The following RGS7 variants were observed in gnomAD, a reference collection of about 807,000 sequenced individuals.
The protein encoded by RGS7 is regulator of G protein signaling 7.
Under a neutral mutation model 81.1 loss-of-function variants are expected in RGS7, and 27 were observed. That is an observed-to-expected ratio of 0.33 (90% CI 0.25 to 0.46). The LOEUF is 0.46. RGS7 is among the 20% of genes least tolerant of loss of function. The pLI is 1.00. For missense variants in RGS7, 396 were observed against 607.4 expected (o/e 0.65, Z 3.66); for synonymous variants, 208 against 207.7 (o/e 1.00, Z -0.01).
intron 3 of RGS7, among the ~76,000 whole-genome samples, chr1:240,993,891 C>T (rs565112906): frequency 5.3e-5 from 8 of 151,958 alleles, no homozygotes; most frequent in African/African-American, 9.6e-5. Flanking sequence ...CCTTTTTGCC[C>T]GTGAATGTCC....
chr1:240,800,552 A>AACAC (rs143139365), intron 18 of RGS7, 89 bp downstream of exon 18: 1 of 656,548 alleles, frequency 1.5e-6, no homozygotes, highest in Non-Finnish European at 2.4e-6. Flanking sequence ...CAAAAGCCAC[A>AACAC]ACACACACAC....
chr1:240,863,347 C>T (rs973627593), intron 9 of RGS7, among the ~76,000 whole-genome samples: 4 of 151,914 alleles, frequency 2.6e-5, no homozygotes, highest in African/African-American at 7.3e-5. Context: ...TGGTGGCATG[C>T]GCCTGTAATT....
At chr1:241,047,598 A>G (rs2061001833) in intron 3 of RGS7, among the ~76,000 whole-genome samples, 1 of 152,166 alleles carries the variant, frequency 6.6e-6, no homozygotes, top group Non-Finnish European at 1.5e-5. Flanking sequence ...TTGACTTTCA[A>G]ATGTCACTAT....
rs1046928471 is a variant in RGS7, at chr1:241,302,276, G to T, written c.78+53423C>A. ...AAACTTTGGCTTCGGCCGGCCGGGC[G>T]CGGTGGCTTACGCCTGTAATCCCAG... On this transcript the variant is annotated intron_variant, in intron 2 of 18. Coordinates refer to ENST00000440928, the MANE Select transcript of RGS7 (RefSeq NM_001364886.1). Among the ~76,000 whole-genome samples the T allele has an allele frequency of 9.8e-5, 15 of 152,316 alleles. No individual in the cohort carries two copies. The East Asian group carries it at 2.5e-3, about 25-fold the overall frequency.
At chr1:240,972,711 C>CA (rs367714545) in intron 4 of RGS7, among the ~76,000 whole-genome samples, 15 of 113,150 alleles carry the variant, frequency 1.3e-4, no homozygotes, top group African/African-American at 2.9e-4. Context: ...AAAAAAAAAA[C>CA]AAAAAAAAAA....
rs191670191 is a variant in RGS7 at position 241,338,804 on chromosome 1, A to G, written c.78+16895T>C. On this transcript the variant is annotated intron_variant, in intron 2 of 18. Transcript: ENST00000440928. ...TAAATCTGTTTACCCTTCAATCTTG[A>G]GACTGTACAGTACTCTGATAAAGAA... 1.8e-4 allele frequency among the ~76,000 whole-genome samples: 27 copies of G among 151,866 alleles called. 1 individual carries two copies. In the East Asian group the frequency reaches 5.2e-3, roughly 29 times the overall value.
At chr1:241,327,321 C>T (rs1423190119) in intron 2 of RGS7, among the ~76,000 whole-genome samples, 1 of 151,858 alleles carries the variant, frequency 6.6e-6, no homozygotes, top group African/African-American at 2.4e-5. Context: ...AAATATAGCA[C>T]CTGAAATAAA....
intron 4 of RGS7, among the ~76,000 whole-genome samples, chr1:240,945,650 T>A (rs1558507295): frequency 6.6e-6 from 1 of 152,230 alleles, no homozygotes; most frequent in African/African-American, 2.4e-5. Flanking sequence ...ACTGAAACAG[T>A]CACAGTTTTT....
At chr1:241,138,636 T>G (rs1254328015) in intron 2 of RGS7, among the ~76,000 whole-genome samples, 3 of 152,210 alleles carry the variant, frequency 2.0e-5, no homozygotes, top group African/African-American at 7.2e-5. Flanking sequence ...AGCCGGTGCC[T>G]CCTCTATTTC....
intron 2 of RGS7, among the ~76,000 whole-genome samples, chr1:241,289,706 G>A (rs1162619098): frequency 6.6e-6 from 1 of 152,174 alleles, no homozygotes; most frequent in African/African-American, 2.4e-5. Flanking sequence ...CTGATCCTAA[G>A]TTGAAGAAAC....
At chr1:241,078,435 C>T (rs1202583840) in intron 3 of RGS7, among the ~76,000 whole-genome samples, 1 of 134,610 alleles carries the variant, frequency 7.4e-6, no homozygotes, top group Non-Finnish European at 1.5e-5. Flanking sequence ...AATATGTGGT[C>T]TGTGGTCCTA....
intron 2 of RGS7, among the ~76,000 whole-genome samples, chr1:241,330,445 T>C (rs1429063124): frequency 1.3e-5 from 2 of 152,226 alleles, no homozygotes; most frequent in Admixed American, 6.5e-5. Context: ...TGTGTGGGTT[T>C]AAATAACCCA....
intron 2 of RGS7, among the ~76,000 whole-genome samples, chr1:241,153,598 G>A (rs1184144767): frequency 6.6e-6 from 1 of 152,244 alleles, no homozygotes; most frequent in African/African-American, 2.4e-5. Context: ...CACCTGTGTT[G>A]GGGCAGGTAA....
chr1:240,823,976 A>G (rs1219566576), intron 10 of RGS7, among the ~76,000 whole-genome samples: 3 of 152,208 alleles, frequency 2.0e-5, no homozygotes, highest in Non-Finnish European at 4.4e-5. Context: ...TGGCTATGCT[A>G]CATTATCATT....
chr1:241,045,816 G>A (rs2060894823), intron 3 of RGS7, among the ~76,000 whole-genome samples: 1 of 152,150 alleles, frequency 6.6e-6, no homozygotes, highest in Non-Finnish European at 1.5e-5. Context: ...GTCTCCCTGT[G>A]GTTTCTATTC....
At chr1:240,865,840 C>G (rs759116344) in intron 9 of RGS7, among the ~76,000 whole-genome samples, 1 of 152,094 alleles carries the variant, frequency 6.6e-6, no homozygotes, top group Non-Finnish European at 1.5e-5. Flanking sequence ...AACACTACAG[C>G]CAGCAAATAG....
At chr1:240,850,604 CA>C (rs1378278333) in intron 9 of RGS7, among the ~76,000 whole-genome samples, 1 of 152,000 alleles carries the variant, frequency 6.6e-6, no homozygotes, top group Non-Finnish European at 1.5e-5. Flanking sequence ...TCAATTTAAG[CA>C]AAAAACTAGA....
At chr1:241,278,260 T>C (rs2078302412) in intron 2 of RGS7, among the ~76,000 whole-genome samples, 2 of 152,234 alleles carry the variant, frequency 1.3e-5, no homozygotes, top group South Asian at 4.1e-4. Flanking sequence ...TAAGTTTTTG[T>C]TTTCTGGAAA....
At chr1:241,276,302 G>C (rs2078191342) in intron 2 of RGS7, among the ~76,000 whole-genome samples, 1 of 152,076 alleles carries the variant, frequency 6.6e-6, no homozygotes, top group African/African-American at 2.4e-5. Context: ...GTCTATCAAG[G>C]GTTCAGCCTA....
Sources: allele counts gnomAD v4.1 joint callset (sites outside exome capture counted in the v4.1 genomes callset), GRCh38; gene constraint gnomAD v4.1.1; transcripts MANE v1.5; gene names NCBI Gene and HGNC (gene_info 2026-07-23, HGNC 2026-07-21).